Variants in CDH18 observed in about 807,000 individuals in gnomAD.
CDH18 encodes cadherin-18.
CDH18 carries 31 observed loss-of-function variants against 67.9 expected under a neutral mutation model. The observed-to-expected ratio is 0.46, with a 90% CI of 0.34 to 0.62. CDH18 has a LOEUF of 0.62. CDH18 is among the 20% of genes least tolerant of loss of function. The pLI, the probability that CDH18 is intolerant of heterozygous loss-of-function variation, is 0.01. For missense variants in CDH18, 890 were observed against 975.5 expected (o/e 0.91, Z 1.17); for synonymous variants, 362 against 347.2 (o/e 1.04, Z -0.48).
At chr5:20,355,106 C>A (rs1741506753) in intron 1 of CDH18, among the ~76,000 whole-genome samples, 1 of 152,188 alleles carries the variant, frequency 6.6e-6, no homozygotes, top group African/African-American at 2.4e-5. Flanking sequence ...TAAATGTTCT[C>A]CCAGACATCT....
rs150788598 is a variant in CDH18, at chr5:20,094,854, C to T, written c.-517-102840G>A. 2.1e-3 allele frequency among the ~76,000 whole-genome samples: 316 copies of T among 152,210 alleles called. 2 individuals are homozygous for T. Among genetic ancestry groups the T allele is most frequent in the Admixed American group, 5.0e-3 (76 of 15,280 alleles). On this transcript the variant is annotated intron_variant, in intron 2 of 14. Transcript: ENST00000507958. ...CATTCTACTAATAAAGACACACGCA[C>T]ACATATATTTACTGCAGCACTATTC...
intron 9 of CDH18, among the ~76,000 whole-genome samples, chr5:19,541,768 G>A (rs1215280882): frequency 1.3e-5 from 2 of 152,080 alleles, no homozygotes; most frequent in Non-Finnish European, 1.5e-5. Context: ...GGGTCCCTCC[G>A]ATGACAGGTG....
intron 2 of CDH18, among the ~76,000 whole-genome samples, chr5:19,855,509 C>G (rs1784186375): frequency 6.6e-6 from 1 of 151,654 alleles, no homozygotes; most frequent in Non-Finnish European, 1.5e-5. Flanking sequence ...TTGTTTTAAG[C>G]AATACATTTT....
At chr5:20,408,763 G>A (rs923683816) in intron 1 of CDH18, among the ~76,000 whole-genome samples, 5 of 151,694 alleles carry the variant, frequency 3.3e-5, no homozygotes, top group Admixed American at 6.6e-5. Flanking sequence ...AAATGTAAAT[G>A]TGAAAGACAC....
intron 2 of CDH18, among the ~76,000 whole-genome samples, chr5:19,933,850 T>C (rs1209413939): frequency 2.0e-5 from 3 of 151,440 alleles, no homozygotes; most frequent in Non-Finnish European, 3.0e-5. Flanking sequence ...TTTTGTCATT[T>C]AGGAAAGAGA....
At chr5:19,507,948 ATGAGGAT>A (rs1470402824) in intron 10 of CDH18, among the ~76,000 whole-genome samples, 1 of 151,990 alleles carries the variant, frequency 6.6e-6, no homozygotes, top group Non-Finnish European at 1.5e-5. Context: ...TACATAAAAA[ATGAGGAT>A]TTGATTATCA....
At chr5:19,874,407 C>T (rs1786700278) in intron 2 of CDH18, among the ~76,000 whole-genome samples, 1 of 151,926 alleles carries the variant, frequency 6.6e-6, no homozygotes, top group Non-Finnish European at 1.5e-5. Context: ...TCCACAACAA[C>T]TTTATGAAAC....
At chr5:19,584,981 C>A (rs1300174199) in intron 7 of CDH18, among the ~76,000 whole-genome samples, 1 of 132,250 alleles carries the variant, frequency 7.6e-6, no homozygotes, top group Non-Finnish European at 1.7e-5. Context: ...GGTGACAGAG[C>A]AAGACTCTAT....
chr5:20,139,000 A>G (rs925562188), intron 2 of CDH18, among the ~76,000 whole-genome samples: 2 of 152,232 alleles, frequency 1.3e-5, no homozygotes, highest in African/African-American at 2.4e-5. Flanking sequence ...AAGAACCTGC[A>G]TTGCCAAGAC....
At chr5:20,108,166 C>T (rs938572472) in intron 2 of CDH18, among the ~76,000 whole-genome samples, 5 of 152,072 alleles carry the variant, frequency 3.3e-5, no homozygotes, top group African/African-American at 7.2e-5. Context: ...CTGCAACCTC[C>T]GCCTCCTGTT....
chr5:19,781,210 T>A (rs140314203), intron 3 of CDH18, among the ~76,000 whole-genome samples: 1 of 152,226 alleles, frequency 6.6e-6, no homozygotes, highest in Non-Finnish European at 1.5e-5. Context: ...GTGAATATTG[T>A]TATTGCAAAG....
At chr5:20,357,021 G>A (rs1741692114) in intron 1 of CDH18, among the ~76,000 whole-genome samples, 1 of 151,478 alleles carries the variant, frequency 6.6e-6, no homozygotes, top group African/African-American at 2.4e-5. Context: ...ATAACTGTAA[G>A]TCAGTCTCAG....
chr5:20,395,837 G>A (rs555231712), intron 1 of CDH18, among the ~76,000 whole-genome samples: 1 of 152,174 alleles, frequency 6.6e-6, no homozygotes, highest in South Asian at 2.1e-4. Flanking sequence ...CAGAAAGGCT[G>A]AAGGCTTAGA....
intron 2 of CDH18, among the ~76,000 whole-genome samples, chr5:19,955,385 C>A (rs1045294805): frequency 4.6e-5 from 7 of 151,488 alleles, no homozygotes; most frequent in African/African-American, 1.2e-4. Context: ...ACAATAAAAG[C>A]AAAAAAAGAA....
intron 2 of CDH18, among the ~76,000 whole-genome samples, chr5:20,057,877 G>GT (rs1742133101): frequency 6.6e-6 from 1 of 152,122 alleles, no homozygotes; most frequent in Non-Finnish European, 1.5e-5. Context: ...TACTTAAAAT[G>GT]TGTGTGCAAT....
At chr5:19,545,756 C>A (rs575144566) in intron 8 of CDH18, among the ~76,000 whole-genome samples, 2 of 151,972 alleles carry the variant, frequency 1.3e-5, no homozygotes, top group African/African-American at 4.8e-5. Flanking sequence ...AATGATTATG[C>A]CTTAAATGCC....
rs181830937 is a variant in CDH18 at position 19,471,554 on chromosome 5, G to A, written c.*1672C>T. On this transcript the variant is annotated 3_prime_UTR_variant, in exon 13 of 13. Coordinates refer to ENST00000382275, the MANE Select transcript of CDH18 (RefSeq NM_004934.5). ...CGGTGTCAACTAATTCCTATTTCAT[G>A]TATTTAAGAATTTCAATATTTCTGA... 1.4e-3 allele frequency among the ~76,000 whole-genome samples: 210 copies of A among 152,054 alleles called. 1 individual carries two copies. The highest frequency in any genetic ancestry group is 1.5e-3 in the Non-Finnish European group (100 of 67,972).
chr5:20,575,271 ATATTT>A (rs907952099), intron 1 of CDH18, among the ~76,000 whole-genome samples: 2 of 145,430 alleles, frequency 1.4e-5, no homozygotes, highest in African/African-American at 4.9e-5. Flanking sequence ...GTACCTGGAG[ATATTT>A]TTTAAATGCA....
At chr5:19,584,974 G>C (rs1056940991) in intron 7 of CDH18, among the ~76,000 whole-genome samples, 1 of 143,560 alleles carries the variant, frequency 7.0e-6, no homozygotes, top group South Asian at 2.5e-4. Flanking sequence ...CAGCCTGGGT[G>C]ACAGAGCAAG....
Sources: allele counts gnomAD v4.1 joint callset (sites outside exome capture counted in the v4.1 genomes callset), GRCh38; gene constraint gnomAD v4.1.1; transcripts MANE v1.5; gene names NCBI Gene and HGNC (gene_info 2026-07-23, HGNC 2026-07-21).